The following ANTXR1 variants were observed in gnomAD, a reference collection of about 807,000 sequenced individuals.
ANTXR1 encodes anthrax toxin receptor 1.
In ANTXR1, 19 loss-of-function variants were observed where a neutral mutation model predicts 78.1. The ratio of observed to expected loss-of-function variants is 0.24; its 90% CI spans 0.17 to 0.36. ANTXR1 has a LOEUF of 0.36. Ranked by LOEUF, ANTXR1 falls within the 10% of genes least tolerant of loss-of-function variation. The pLI, the probability that ANTXR1 is intolerant of heterozygous loss-of-function variation, is 1.00. For synonymous variants in ANTXR1, 273 were observed against 260.5 expected, an observed-to-expected ratio of 1.05 and a Z score of -0.46; for missense variants, 518 against 718.6, an observed-to-expected ratio of 0.72 and a Z score of 3.19.
At chr2:69,143,208 GGAAA>G (rs1260643195) in intron 12 of ANTXR1, among the ~76,000 whole-genome samples, 1 of 152,132 alleles carries the variant, frequency 6.6e-6, no homozygotes, top group African/African-American at 2.4e-5. Flanking sequence ...CAATAATCCA[GGAAA>G]GAAAGAATGA....
chr2:69,152,166 C>A lies in ANTXR1; in HGVS notation c.952-3C>A. Reference sequence around the variant, plus strand: ...GCTGACCGCCTCTCTCTTGGCCCTGCAGTCTGACGGTTCCATCCTGGCCAT... The same window carrying A: ...GCTGACCGCCTCTCTCTTGGCCCTGAAGTCTGACGGTTCCATCCTGGCCAT... On this transcript the variant is annotated splice_polypyrimidine_tract_variant and splice_region_variant and intron_variant, in intron 12 of 17. Coordinates refer to ENST00000303714, the MANE Select transcript of ANTXR1 (RefSeq NM_032208.3). 1 of 1,613,902 alleles carries A rather than the reference C, an allele frequency of 6.2e-7. No individual in the cohort carries two copies. Among genetic ancestry groups the A allele is most frequent in the Non-Finnish European group, 8.5e-7 (1 of 1,179,936 alleles).
intron 10 of ANTXR1, among the ~76,000 whole-genome samples, chr2:69,122,105 C>A (rs549914794): frequency 1.6e-4 from 25 of 152,358 alleles, no homozygotes; most frequent in Admixed American, 1.4e-3. Flanking sequence ...CTCAGGCTAA[C>A]TCAAAGAACT....
chr2:69,064,595 T>C (rs144727178), intron 3 of ANTXR1, among the ~76,000 whole-genome samples: 1 of 152,242 alleles, frequency 6.6e-6, no homozygotes, highest in East Asian at 1.9e-4. Flanking sequence ...TACAATTATA[T>C]ATGGTTTACA....
intron 9 of ANTXR1, among the ~76,000 whole-genome samples, chr2:69,092,669 A>G (rs892457443): frequency 7.2e-5 from 11 of 152,194 alleles, no homozygotes; most frequent in African/African-American, 2.7e-4. Context: ...TCTCTTTAAG[A>G]ATTCAGAAAT....
At chr2:69,196,870 C>G (rs529636637) in intron 17 of ANTXR1, among the ~76,000 whole-genome samples, 172 of 152,338 alleles carry the variant, frequency 1.1e-3, no homozygotes, top group South Asian at 8.9e-3. Flanking sequence ...TCATCCTCCC[C>G]CCAGCTACTC....
chr2:69,222,410 G>A (rs1573987679), intron 17 of ANTXR1, among the ~76,000 whole-genome samples: 1 of 152,196 alleles, frequency 6.6e-6, no homozygotes, highest in Non-Finnish European at 1.5e-5. Context: ...GGACAGTAAT[G>A]TCTTCCCAGA....
chr2:69,159,651 T>A (rs1573942523), intron 13 of ANTXR1, among the ~76,000 whole-genome samples: 1 of 152,060 alleles, frequency 6.6e-6, no homozygotes, highest in Admixed American at 6.6e-5. Context: ...ATAACAACAA[T>A]TTTTTTTCAG....
At chr2:69,167,358 C>A (rs892239196) in intron 13 of ANTXR1, among the ~76,000 whole-genome samples, 2 of 152,224 alleles carry the variant, frequency 1.3e-5, no homozygotes, top group Admixed American at 1.3e-4. Context: ...GGCTACAGAG[C>A]AATGCAGGCT....
At chr2:69,103,330 C>G in intron 10 of ANTXR1, 2 of 329,762 alleles carry the variant, frequency 6.1e-6, no homozygotes, top group Non-Finnish European at 1.2e-5. Flanking sequence ...ATTAGGACTG[C>G]AGAAACATGA....
Position 69,245,379 on chromosome 2 carries a change from C to T in ANTXR1, c.1589C>T (p.Thr530Ile). ...HCPPPPPSAPTPPIPSPPSTL... is the reference protein window; with the variant it reads ...HCPPPPPSAPIPPIPSPPSTL... ...CCTCCCCCGCCCCCCAGCGCCCCTA[C>T]CCCTCCCATCCCGTCCCCACCTTCC... Residue 530 changes from threonine (T) to isoleucine (I), a missense_variant, in exon 18 of 18, where the codon ACC becomes ATC. Physicochemically the swap from Thr to Ile is moderately conservative, Grantham distance 89 (BLOSUM62 -1). Transcript: ENST00000303714. The T allele has an allele frequency of 2.0e-6, 3 of 1,473,246 alleles. No individual in the cohort carries two copies. Among genetic ancestry groups the T allele is most frequent in the Non-Finnish European group, 1.8e-6 (2 of 1,096,070 alleles). The allele number at this position is 1,473,246 out of a possible 1,614,324, so 91.3% of individuals were successfully genotyped here. A position where few individuals can be genotyped will look rare whatever the true frequency, so the allele number is the denominator to read the frequency against.
At chr2:69,047,080 A>G (rs1188159858) in intron 3 of ANTXR1, among the ~76,000 whole-genome samples, 3 of 152,222 alleles carry the variant, frequency 2.0e-5, no homozygotes, top group Admixed American at 2.0e-4. Flanking sequence ...TATTCGCAGG[A>G]TGCAAAATCC....
intron 1 of ANTXR1, among the ~76,000 whole-genome samples, chr2:69,024,532 A>C (rs1671286906): frequency 6.6e-6 from 1 of 152,082 alleles, no homozygotes; most frequent in Admixed American, 6.5e-5. Context: ...ACCAGCAAAG[A>C]ATTGTATTAG....
intron 13 of ANTXR1, among the ~76,000 whole-genome samples, chr2:69,163,159 A>T (rs1673728644): frequency 1.3e-5 from 2 of 152,052 alleles, no homozygotes; most frequent in South Asian, 4.1e-4. Flanking sequence ...CGTGGCTTTG[A>T]GCTACAGAAA....
chr2:69,213,948 G>A (rs1157727898), intron 17 of ANTXR1, among the ~76,000 whole-genome samples: 1 of 152,276 alleles, frequency 6.6e-6, no homozygotes, highest in African/African-American at 2.4e-5. Flanking sequence ...CCAGTGTGGG[G>A]CATGGGAGGG....
intron 12 of ANTXR1, among the ~76,000 whole-genome samples, chr2:69,148,188 C>T (rs1673280134): frequency 6.6e-6 from 1 of 151,488 alleles, no homozygotes; most frequent in Non-Finnish European, 1.5e-5. Flanking sequence ...ATAGAAGCCA[C>T]ACTCCTCAGC....
At chr2:69,193,464 TACACAC>T (rs70954338) in intron 17 of ANTXR1, 49 bp downstream of exon 17, 24 of 1,074,006 alleles carry the variant, frequency 2.2e-5, no homozygotes, top group Non-Finnish European at 2.8e-5. Context: ...CTCTCTCACA[TACACAC>T]ACACACACAC....
intron 12 of ANTXR1, chr2:69,135,277 T>C (rs1001462221): frequency 6.3e-6 from 1 of 159,664 alleles, no homozygotes; most frequent in Admixed American, 6.2e-5. Context: ...AAGTTTGACA[T>C]TTCCTTGTTT....
chr2:69,148,705 T>C (rs1673304948), intron 12 of ANTXR1, among the ~76,000 whole-genome samples: 1 of 152,236 alleles, frequency 6.6e-6, no homozygotes, highest in African/African-American at 2.4e-5. Flanking sequence ...ATTACCATCA[T>C]TGTCATTATT....
intron 3 of ANTXR1, among the ~76,000 whole-genome samples, chr2:69,059,677 C>G (rs1670174952): frequency 6.6e-6 from 1 of 152,136 alleles, no homozygotes; most frequent in South Asian, 2.1e-4. Flanking sequence ...AGACATACTA[C>G]TATTACATGC....
Sources: gnomAD v4.1 joint callset for allele counts (sites outside exome capture counted in the v4.1 genomes callset) on GRCh38, gnomAD v4.1.1 for gene constraint, MANE v1.5 for transcripts, NCBI Gene and HGNC (gene_info 2026-07-23, HGNC 2026-07-21) for gene names.